Variants in SUMF1 observed in about 807,000 individuals in gnomAD.
SUMF1 encodes formylglycine-generating enzyme.
Under a neutral mutation model 47.6 loss-of-function variants are expected in SUMF1, and 48 were observed. That is an observed-to-expected ratio of 1.01 (90% confidence interval 0.80 to 1.28). The LOEUF is 1.28. Among genes scored for constraint, SUMF1 ranks in the 50% most tolerant of loss-of-function variants. The probability of loss-of-function intolerance (pLI) is 0.00; values close to 1 mark genes in which losing one functional copy is unlikely to be tolerated. For missense variants in SUMF1, 571 were observed against 485.4 expected, an observed-to-expected ratio of 1.18 and a Z score of -1.66; for synonymous variants, 230 against 192.1, an observed-to-expected ratio of 1.20 and a Z score of -1.63.
At chr3:4,443,666 G>A (rs1285045438) in intron 3 of SUMF1, among the ~76,000 whole-genome samples, 2 of 152,124 alleles carry the variant, frequency 1.3e-5, no homozygotes, top group African/African-American at 4.8e-5. Flanking sequence ...TTGGGTGGCT[G>A]AGGTGGGAGC....
rs1287973373 is a variant in SUMF1, at chr3:4,115,578, T to C, written c.1015-46833A>G. On this transcript the variant is annotated intron_variant and NMD_transcript_variant, in intron 8 of 12. Transcript: ENST00000448413. ...CGCTCCTCACGACCTGCCAGTATGATGCATGTTCCTCCGACGGGTTTGGGC... is the reference window on the plus strand; with the variant it reads ...CGCTCCTCACGACCTGCCAGTATGACGCATGTTCCTCCGACGGGTTTGGGC... Among the ~76,000 whole-genome samples, 5 of 147,184 alleles carry C rather than the reference T, an allele frequency of 3.4e-5. No individual in the cohort carries two copies. The East Asian group carries it at 5.9e-4, about 17-fold the overall frequency.
intron 8 of SUMF1, among the ~76,000 whole-genome samples, chr3:4,187,230 G>A (rs78060908): frequency 0.25 from 37,431 of 151,634 alleles, 5,345 homozygotes; most frequent in East Asian, 0.4. Context: ...ATTAGCCAGC[G>A]CAATGTCAGG....
chr3:4,254,188 C>T (rs959469413), intron 8 of SUMF1, among the ~76,000 whole-genome samples: 2 of 151,900 alleles, frequency 1.3e-5, no homozygotes, highest in African/African-American at 2.4e-5. Context: ...AAACTGGAAA[C>T]TCTAAAAAGC....
At chr3:4,340,365 C>T (rs952507713) in intron 8 of SUMF1, among the ~76,000 whole-genome samples, 2 of 152,116 alleles carry the variant, frequency 1.3e-5, no homozygotes, top group African/African-American at 2.4e-5. Context: ...TTATTTGTGT[C>T]GTCTTTTCCT....
At chr3:4,196,398 C>G (rs1695430491) in intron 8 of SUMF1, among the ~76,000 whole-genome samples, 1 of 152,080 alleles carries the variant, frequency 6.6e-6, no homozygotes, top group African/African-American at 2.4e-5. Flanking sequence ...TGGGGGGAAG[C>G]TTTCCTCCCT....
chr3:4,419,768 T>C (rs1701830041), intron 4 of SUMF1, among the ~76,000 whole-genome samples: 1 of 152,144 alleles, frequency 6.6e-6, no homozygotes, highest in African/African-American at 2.4e-5. Context: ...AAACATGTCA[T>C]GAGGTTTGGA....
chr3:4,435,609 G>A (rs1702372179), intron 3 of SUMF1, among the ~76,000 whole-genome samples: 1 of 152,162 alleles, frequency 6.6e-6, no homozygotes, highest in Admixed American at 6.5e-5. Flanking sequence ...TCATCAAACT[G>A]TTGAAGATAA....
chr3:4,247,384 TA>T (rs1696694571), intron 8 of SUMF1, among the ~76,000 whole-genome samples: 1 of 152,200 alleles, frequency 6.6e-6, no homozygotes, highest in Non-Finnish European at 1.5e-5. Flanking sequence ...ACAGGCCCCA[TA>T]TTACCAATAA....
intron 8 of SUMF1, among the ~76,000 whole-genome samples, chr3:4,299,872 T>C (rs1697927782): frequency 6.6e-6 from 1 of 152,238 alleles, no homozygotes; most frequent in Non-Finnish European, 1.5e-5. Flanking sequence ...TTAGCTATTA[T>C]TTCCCATGGT....
chr3:4,195,994 T>C (rs948027233), intron 8 of SUMF1, among the ~76,000 whole-genome samples: 2 of 152,086 alleles, frequency 1.3e-5, no homozygotes, highest in Non-Finnish European at 2.9e-5. Context: ...AGAAATTATA[T>C]ATAATAATTT....
chr3:4,245,931 T>C (rs993461011), intron 8 of SUMF1, among the ~76,000 whole-genome samples: 3 of 151,354 alleles, frequency 2.0e-5, no homozygotes, highest in Non-Finnish European at 4.4e-5. Flanking sequence ...TTGTTTACAC[T>C]GAGCATAGAA....
At chr3:4,149,131 G>A (rs537022431) in intron 8 of SUMF1, among the ~76,000 whole-genome samples, 1 of 152,216 alleles carries the variant, frequency 6.6e-6, no homozygotes, top group African/African-American at 2.4e-5. Flanking sequence ...TTCCTCACAT[G>A]AGCGTTTTGC....
intron 3 of SUMF1, among the ~76,000 whole-genome samples, chr3:4,448,759 C>T (rs1702869259): frequency 6.6e-6 from 1 of 152,186 alleles, no homozygotes; most frequent in Non-Finnish European, 1.5e-5. Flanking sequence ...GGGTACACCC[C>T]TGCATGTAAA....
intron 8 of SUMF1, among the ~76,000 whole-genome samples, chr3:4,287,027 T>A (rs1164006047): frequency 6.6e-6 from 1 of 152,190 alleles, no homozygotes; most frequent in Non-Finnish European, 1.5e-5. Flanking sequence ...TACTTAAGTG[T>A]CATTTGCCTT....
chr3:4,211,199 C>CATATATATATATATATATGTGTAT (rs3046224), intron 8 of SUMF1, among the ~76,000 whole-genome samples: 1 of 85,038 alleles, frequency 1.2e-5, no homozygotes, highest in African/African-American at 4.9e-5. Flanking sequence ...CATATACATA[C>CATATATATATATATATATGTGTAT]ATACATATAT....
chr3:4,039,209 A>ATATTT (rs1553588586), intron 9 of SUMF1, among the ~76,000 whole-genome samples: 32 of 39,500 alleles, frequency 8.1e-4, no homozygotes, highest in African/African-American at 2.1e-3. Context: ...ATCTATGCAA[A>ATATTT]TTTTTTTTTT....
At chr3:4,432,511 A>C (rs1702264445) in intron 3 of SUMF1, among the ~76,000 whole-genome samples, 1 of 151,930 alleles carries the variant, frequency 6.6e-6, no homozygotes, top group Admixed American at 6.6e-5. Context: ...CTCCAACCTA[A>C]CCCTGACCCT....
At chr3:4,352,949 T>A (rs931795469) in intron 8 of SUMF1, among the ~76,000 whole-genome samples, 3 of 152,176 alleles carry the variant, frequency 2.0e-5, no homozygotes, top group Non-Finnish European at 4.4e-5. Flanking sequence ...GCTGTCATTT[T>A]CTCCCAAGAC....
chr3:4,266,760 T>C (rs1322399141), intron 8 of SUMF1, among the ~76,000 whole-genome samples: 2 of 149,008 alleles, frequency 1.3e-5, no homozygotes, highest in African/African-American at 2.5e-5. Context: ...TCCAACACTA[T>C]GTTGAATAGG....
Sources: allele counts gnomAD v4.1 joint callset (sites outside exome capture counted in the v4.1 genomes callset), GRCh38; gene constraint gnomAD v4.1.1; transcripts MANE v1.5; gene names NCBI Gene and HGNC (gene_info 2026-07-23, HGNC 2026-07-21).